EGLN3: variants seen among roughly 807,000 people sequenced by gnomAD.
The protein encoded by EGLN3 is prolyl hydroxylase EGLN3.
In EGLN3, 15 loss-of-function variants were observed where a neutral mutation model predicts 26.0. The observed-to-expected ratio is 0.58, with a 90% CI of 0.39 to 0.89. EGLN3 has a LOEUF of 0.89. Among genes scored for constraint, EGLN3 ranks in the 40% least tolerant of loss-of-function variants. EGLN3 has a pLI of 0.00. For missense variants in EGLN3, 238 were observed against 311.6 expected (o/e 0.76, Z 1.78); for synonymous variants, 147 against 127.2 (o/e 1.16, Z -1.05).
rs1594388268 is a variant in EGLN3 at position 33,950,888 on chromosome 14, T to C, written c.-136A>G. The stretch of plus-strand genomic sequence containing the variant: ...GCGGCTGCCACGGTACCCGAGCCGC[T>C]GCAGCGTCGGGGACAAGGGAAAGTT... On this transcript the variant is annotated 5_prime_UTR_variant, in exon 1 of 5. Transcript: ENST00000250457. The C allele has an allele frequency of 1.3e-6, 1 of 758,832 alleles. No individual in the cohort carries two copies. Among genetic ancestry groups the C allele is most frequent in the East Asian group, 2.5e-5 (1 of 40,522 alleles). The allele number at this position is 758,832 out of a possible 1,614,324, so 47.0% of individuals were successfully genotyped here.
Position 33,932,486 on chromosome 14 carries a change from C to T in EGLN3, c.358-1271G>A, listed in dbSNP as rs777742090. ...TAGTGGTTCAATGAATCAGCTTCAA[C>T]GTGGCTGCCGAGTCACTCTCAATAG... On this transcript the variant is annotated intron_variant, in intron 1 of 4. Transcript: ENST00000250457. Among the ~76,000 whole-genome samples the T allele has an allele frequency of 2.6e-5, 4 of 152,124 alleles. No individual in the cohort carries two copies. In the South Asian group the frequency reaches 8.3e-4, roughly 31 times the overall value.
At chr14:33,939,234 G>A (rs1198204105) in intron 1 of EGLN3, among the ~76,000 whole-genome samples, 1 of 149,908 alleles carries the variant, frequency 6.7e-6, no homozygotes, top group African/African-American at 2.5e-5. Flanking sequence ...TTTTTGAGAC[G>A]GAGTCTCGCT....
chr14:33,926,921 A>T, intron 4 of EGLN3, 39 bp downstream of exon 4: 1 of 1,458,118 alleles, frequency 6.9e-7, no homozygotes, highest in African/African-American at 1.4e-5. Context: ...GTCAAGGATT[A>T]ACTTGATCAA....
intron 1 of EGLN3, among the ~76,000 whole-genome samples, chr14:33,947,294 AG>A (rs761625420): frequency 6.6e-5 from 10 of 152,010 alleles, no homozygotes; most frequent in Non-Finnish European, 1.3e-4. Flanking sequence ...GCTTGAAGTT[AG>A]GGGGGGCCAT....
chr14:33,926,140 G>A (rs985610230), intron 4 of EGLN3, among the ~76,000 whole-genome samples: 4 of 152,158 alleles, frequency 2.6e-5, no homozygotes, highest in Non-Finnish European at 4.4e-5. Flanking sequence ...ATCCAGCATT[G>A]GCACCTCTTG....
At chr14:33,930,670 G>A (rs909473423) in intron 2 of EGLN3, among the ~76,000 whole-genome samples, 1 of 152,134 alleles carries the variant, frequency 6.6e-6, no homozygotes, top group African/African-American at 2.4e-5. Flanking sequence ...GGACTGTGTG[G>A]GAAATCTCTC....
chr14:33,950,964 G>C lies in EGLN3; in HGVS notation c.-212C>G, dbSNP rs980793146. The stretch of plus-strand genomic sequence containing the variant: ...CTGCCTTCGGGAACCAGCGGGAGTG[G>C]TGCGGAGCTCCACGACCCGTTTCCG... On this transcript the variant is annotated 5_prime_UTR_variant, in exon 1 of 5. Transcript: ENST00000250457. The C allele has an allele frequency of 8.4e-6, 5 of 591,866 alleles. No individual in the cohort carries two copies. Among genetic ancestry groups the C allele is most frequent in the Non-Finnish European group, 1.2e-5 (4 of 335,238 alleles). 36.7% of individuals were successfully genotyped at this position (591,866 alleles called of 1,614,324 possible).
chr14:33,935,080 T>C (rs1467876521), intron 1 of EGLN3, among the ~76,000 whole-genome samples: 1 of 152,212 alleles, frequency 6.6e-6, no homozygotes, highest in Non-Finnish European at 1.5e-5. Context: ...CAAAGCGTAC[T>C]TTGAATAAAA....
chr14:33,939,250 A>T (rs1481673411), intron 1 of EGLN3, among the ~76,000 whole-genome samples: 1 of 150,800 alleles, frequency 6.6e-6, no homozygotes, highest in Non-Finnish European at 1.5e-5. Flanking sequence ...TCGCTCTGTC[A>T]CCCAGGCTGG....
rs565353574 is a variant in EGLN3, at chr14:33,931,987, A to C, written c.358-772T>G. ...AAATCCTACTGAAAATTACCATTAG[A>C]GTAAACAGACCTCTAATTGTTCCAA... is the stretch of plus-strand genomic sequence containing the variant. On this transcript the variant is annotated intron_variant, in intron 1 of 4. Transcript: ENST00000250457. Among the ~76,000 whole-genome samples, 9 of 152,388 alleles carry C rather than the reference A, an allele frequency of 5.9e-5. No individual in the cohort carries two copies. In the South Asian group the frequency reaches 1.9e-3, roughly 32 times the overall value.
At chr14:33,947,768 AGGG>A (rs1240664088) in intron 1 of EGLN3, among the ~76,000 whole-genome samples, 1 of 152,202 alleles carries the variant, frequency 6.6e-6, no homozygotes, top group African/African-American at 2.4e-5. Flanking sequence ...AATAAATTTA[AGGG>A]CCGGGCACAG....
intron 1 of EGLN3, among the ~76,000 whole-genome samples, chr14:33,940,823 C>G (rs10148380): frequency 0.1 from 15,396 of 152,202 alleles, 1,185 homozygotes; most frequent in African/African-American, 0.21. Flanking sequence ...CAGTTTCTGG[C>G]ATCAGCTTTG....
In EGLN3 at chr14:33,924,450, G is replaced by A. The variant is rs1468935388; in HGVS notation, c.*1441C>T. ...AACTATTACCGTACAACAAAATAGA[G>A]CAGTCGTTGAGAATTAATGGTGACA... On this transcript the variant is annotated 3_prime_UTR_variant, in exon 5 of 5. Transcript: ENST00000250457. The A allele has an allele frequency of 1.3e-5, 2 of 152,060 alleles. No individual in the cohort carries two copies. The highest frequency in any genetic ancestry group is 6.6e-5 in the Admixed American group (1 of 15,262). The allele number at this position is 152,060 out of a possible 1,614,324, so 9.4% of individuals were successfully genotyped here. A position where few individuals can be genotyped will look rare whatever the true frequency, so the allele number is the denominator to read the frequency against.
At chr14:33,938,812 G>A (rs2064460203) in intron 1 of EGLN3, among the ~76,000 whole-genome samples, 1 of 152,206 alleles carries the variant, frequency 6.6e-6, no homozygotes, top group Non-Finnish European at 1.5e-5. Context: ...GGGAAGGTGA[G>A]CAGCAGTGTG....
intron 1 of EGLN3, among the ~76,000 whole-genome samples, chr14:33,934,737 A>G (rs2064429003): frequency 6.6e-6 from 1 of 152,236 alleles, no homozygotes; most frequent in Non-Finnish European, 1.5e-5. Flanking sequence ...ATGTATTTTC[A>G]TAGAAATGTA....
At chr14:33,932,365 A>G (rs755254001) in intron 1 of EGLN3, among the ~76,000 whole-genome samples, 8 of 152,216 alleles carry the variant, frequency 5.3e-5, no homozygotes, top group Non-Finnish European at 1.0e-4. Flanking sequence ...ATCTTCAAAC[A>G]TACATGTAAA....
In EGLN3 at chr14:33,931,757, T is replaced by C. The variant is rs1353766370; in HGVS notation, c.358-542A>G. ...AATAAAATGCTCAGGATAGAAAGAA[T>C]AGAGGAAGATCAATAGGAAGCCGCA... On this transcript the variant is annotated intron_variant, in intron 1 of 4. Transcript: ENST00000250457. 2.0e-5 allele frequency among the ~76,000 whole-genome samples: 3 copies of C among 152,282 alleles called. No individual in the cohort carries two copies. The South Asian group carries it at 6.2e-4, about 32-fold the overall frequency.
chr14:33,927,309 C>T (rs911305230), intron 3 of EGLN3, among the ~76,000 whole-genome samples: 2 of 151,952 alleles, frequency 1.3e-5, no homozygotes, highest in Non-Finnish European at 2.9e-5. Flanking sequence ...GCTGGGACTA[C>T]AGGTGCACGC....
At chr14:33,950,099 C>T in intron 1 of EGLN3, 2 of 590,294 alleles carry the variant, frequency 3.4e-6, no homozygotes, top group Non-Finnish European at 6.0e-6. Flanking sequence ...TTGAGAACCT[C>T]GTCTTAAAAT....
Sources: allele counts gnomAD v4.1 joint callset (sites outside exome capture counted in the v4.1 genomes callset), GRCh38; gene constraint gnomAD v4.1.1; transcripts MANE v1.5; gene names NCBI Gene and HGNC (gene_info 2026-07-23, HGNC 2026-07-21).